PHF20: variants seen among roughly 807,000 people sequenced by gnomAD.
PHF20 encodes the protein glioma-expressed antigen 2.
In PHF20, 23 loss-of-function variants were observed where a neutral mutation model predicts 113.5. That is an observed-to-expected ratio of 0.20 (90% CI 0.15 to 0.29). The LOEUF (loss-of-function observed/expected upper bound fraction) is 0.29, where lower values mean the gene tolerates loss of function less well. Among genes scored for constraint, PHF20 ranks in the 10% least tolerant of loss-of-function variants. The probability of loss-of-function intolerance (pLI) is 1.00; values close to 1 mark genes in which losing one functional copy is unlikely to be tolerated. For missense variants in PHF20, 943 were observed against 1,219.6 expected (o/e 0.77, Z 3.38); for synonymous variants, 434 against 457.3 (o/e 0.95, Z 0.65).
rs190846922 is a variant in PHF20, at chr20:35,803,208, C to T, written c.83+1603C>T. On this transcript the variant is annotated intron_variant, in intron 2 of 17. Transcript: ENST00000374012. ...TGGAGGCTGCATTGAGCCAAGATCG[C>T]GCCACTGCACTCCAGCCTGGGTGAC... is the stretch of plus-strand genomic sequence containing the variant. Among the ~76,000 whole-genome samples, 452 of 149,478 alleles carry T rather than the reference C, an allele frequency of 3.0e-3. 3 individuals are homozygous for T. The highest frequency in any genetic ancestry group is 0.011 in the African/African-American group (429 of 40,640).
intron 7 of PHF20, among the ~76,000 whole-genome samples, chr20:35,870,639 C>CTTTTTTTTTTTTTTTTTTTTTTTTTTT (rs1467742522): frequency 6.6e-6 from 1 of 151,630 alleles, no homozygotes; most frequent in Non-Finnish European, 1.5e-5. Context: ...TCTTATAAAC[C>CTTTTTTTTTTTTTTTTTTTTTTTTTTT]TTTTTAAGTC....
intron 2 of PHF20, among the ~76,000 whole-genome samples, chr20:35,824,126 A>G (rs1404495510): frequency 6.6e-6 from 1 of 152,160 alleles, no homozygotes; most frequent in East Asian, 1.9e-4. Flanking sequence ...ATGTTTAACC[A>G]GGTGAGAAAC....
At chr20:35,866,552 G>A (rs2054323909) in intron 6 of PHF20, among the ~76,000 whole-genome samples, 1 of 152,184 alleles carries the variant, frequency 6.6e-6, no homozygotes, top group South Asian at 2.1e-4. Flanking sequence ...AGTGGGAGAA[G>A]GGCAGTTAAA....
Position 35,863,156 on chromosome 20 carries a change from A to G in PHF20, c.564A>G (p.Glu188=). The part of the protein sequence containing the change: ...KDKEDKPLKT[E]KRPKQPDKEG... The stretch of plus-strand genomic sequence containing the variant: ...AAGAAGATAAACCCTTAAAGACAGA[A>G]AAGCGACCCAAGCAGCCTGATAAAG... Residue 188 remains glutamate, a synonymous_variant, in exon 6 of 18, where the codon GAA becomes GAG. Coordinates refer to ENST00000374012, the MANE Select transcript of PHF20 (RefSeq NM_016436.5). 6.2e-7 allele frequency: 1 copy of G among 1,613,952 alleles called. No individual in the cohort carries two copies. Among genetic ancestry groups the G allele is most frequent in the East Asian group, 2.2e-5 (1 of 44,890 alleles).
intron 2 of PHF20, among the ~76,000 whole-genome samples, chr20:35,826,569 A>T (rs897685635): frequency 2.6e-5 from 4 of 152,240 alleles, no homozygotes; most frequent in African/African-American, 9.6e-5. Flanking sequence ...AGAAGGCAGA[A>T]GGAATAACAT....
At chr20:35,853,627 G>A (rs2425169) in intron 4 of PHF20, among the ~76,000 whole-genome samples, 2,865 of 152,220 alleles carry the variant, frequency 0.019, 94 homozygotes, top group African/African-American at 0.066. Context: ...ACATGTTGGT[G>A]CATGCCTGTA....
intron 4 of PHF20, 139 bp downstream of exon 4, chr20:35,847,573 G>T (rs938274602): frequency 3.5e-6 from 2 of 578,160 alleles, no homozygotes; most frequent in African/African-American, 3.8e-5. Context: ...TAATCACTAT[G>T]TCAGGAGTTG....
At chr20:35,824,433 C>T (rs1216805433) in intron 2 of PHF20, among the ~76,000 whole-genome samples, 1 of 151,776 alleles carries the variant, frequency 6.6e-6, no homozygotes, top group Non-Finnish European at 1.5e-5. Context: ...ATGGTGAAAC[C>T]CTGTCTCTAC....
chr20:35,849,456 C>T (rs2042680245), intron 4 of PHF20: 3 of 470,988 alleles, frequency 6.4e-6, no homozygotes, highest in Non-Finnish European at 1.3e-5. Context: ...CAGGAGGAGG[C>T]AGGGCAGGAT....
intron 2 of PHF20, chr20:35,801,825 T>G: frequency 2.8e-6 from 1 of 357,894 alleles, no homozygotes; most frequent in Non-Finnish European, 5.2e-6. Context: ...TTTTGCCTGT[T>G]CATCTGAAAG....
intron 16 of PHF20, among the ~76,000 whole-genome samples, chr20:35,939,988 T>C (rs1229681196): frequency 6.6e-6 from 1 of 152,212 alleles, no homozygotes; most frequent in Non-Finnish European, 1.5e-5. Context: ...AATTCTGAGC[T>C]CAGCCCCTTA....
chr20:35,844,417 G>GTTTTTTT (rs1491291994), intron 3 of PHF20, among the ~76,000 whole-genome samples: 1 of 127,752 alleles, frequency 7.8e-6, no homozygotes, highest in Non-Finnish European at 1.6e-5. Flanking sequence ...TTTTTTTTTG[G>GTTTTTTT]TTTTTTTTTT....
At chr20:35,896,288 A>G (rs986370748) in intron 9 of PHF20, among the ~76,000 whole-genome samples, 3 of 152,138 alleles carry the variant, frequency 2.0e-5, no homozygotes, top group African/African-American at 2.4e-5. Context: ...TTAACAGGCT[A>G]CCTGCTTCCA....
At chr20:35,828,537 C>T (rs1357004020) in intron 2 of PHF20, among the ~76,000 whole-genome samples, 1 of 152,158 alleles carries the variant, frequency 6.6e-6, no homozygotes, top group Non-Finnish European at 1.5e-5. Context: ...TATTAGGCAG[C>T]TTAATTTTAC....
At chr20:35,856,271 C>G (rs1449243991) in intron 4 of PHF20, 1 of 152,106 alleles carries the variant, frequency 6.6e-6, no homozygotes, top group Non-Finnish European at 1.5e-5. Flanking sequence ...CAAATAATCA[C>G]CTTTATTTTG....
Position 35,823,436 on chromosome 20 carries a change from C to CAA in PHF20, c.84-19120_84-19119dup, listed in dbSNP as rs200101311. Among the ~76,000 whole-genome samples, 234 of 66,024 alleles carry CAA rather than the reference C, an allele frequency of 3.5e-3. 1 individual carries two copies. The highest frequency in any genetic ancestry group is 3.4e-3 in the Non-Finnish European group (107 of 31,480). 43.3% of individuals were successfully genotyped at this position (66,024 alleles called of 152,430 possible). On this transcript the variant is annotated intron_variant, in intron 2 of 17. Transcript: ENST00000374012. ...AGCAACATAATGGGACTTCGTCTCT[C>CAA]AAAAAAAAAAAAAAAAAACCATAAT...
At chr20:35,815,765 T>C (rs1394275356) in intron 2 of PHF20, among the ~76,000 whole-genome samples, 5 of 151,276 alleles carry the variant, frequency 3.3e-5, no homozygotes, top group African/African-American at 1.2e-4. Flanking sequence ...GCGCCTGGCA[T>C]GCCTGTAATT....
chr20:35,896,011 C>G (rs890518507), intron 9 of PHF20, among the ~76,000 whole-genome samples: 1 of 151,812 alleles, frequency 6.6e-6, no homozygotes, highest in Non-Finnish European at 1.5e-5. Flanking sequence ...TTACCTGCAA[C>G]TAATTGATCT....
intron 13 of PHF20, among the ~76,000 whole-genome samples, chr20:35,920,298 G>A (rs1269118454): frequency 1.3e-5 from 2 of 152,128 alleles, no homozygotes; most frequent in East Asian, 3.8e-4. Flanking sequence ...GTGTGTTTCA[G>A]TAGTCATTTA....
Sources: allele counts gnomAD v4.1 joint callset (sites outside exome capture counted in the v4.1 genomes callset), GRCh38; gene constraint gnomAD v4.1.1; transcripts MANE v1.5; gene names NCBI Gene and HGNC (gene_info 2026-07-23, HGNC 2026-07-21).